Variants in TDRD12 observed in about 807,000 individuals in gnomAD.
TDRD12 encodes the protein putative ATP-dependent RNA helicase TDRD12.
TDRD12 carries 158 observed loss-of-function variants against 133.5 expected under a neutral mutation model. The ratio of observed to expected loss-of-function variants is 1.18; its 90% CI spans 1.04 to 1.35. The LOEUF is 1.35. Among genes scored for constraint, TDRD12 ranks in the 40% most tolerant of loss-of-function variants. TDRD12 has a pLI of 0.00. For synonymous variants in TDRD12, 460 were observed against 477.9 expected, an observed-to-expected ratio of 0.96 and a Z score of 0.49; for missense variants, 1,443 against 1,321.3, an observed-to-expected ratio of 1.09 and a Z score of -1.43.
At chr19:32,775,914 T>G (rs1163475659) in intron 10 of TDRD12, among the ~76,000 whole-genome samples, 2 of 152,156 alleles carry the variant, frequency 1.3e-5, no homozygotes, top group African/African-American at 4.8e-5. Context: ...CTGTTAACAT[T>G]CTCTAGAGAG....
chr19:32,730,019 T>C (rs1968997761), intron 1 of TDRD12, among the ~76,000 whole-genome samples: 1 of 151,988 alleles, frequency 6.6e-6, no homozygotes, highest in African/African-American at 2.4e-5. Flanking sequence ...CTCGATCTCC[T>C]GACCTCGTGA....
chr19:32,729,207 T>C (rs978926314), intron 1 of TDRD12, among the ~76,000 whole-genome samples: 13 of 147,706 alleles, frequency 8.8e-5, no homozygotes, highest in Admixed American at 8.2e-4. Flanking sequence ...TTTTTCTTTT[T>C]CTTTTTTTTT....
chr19:32,720,113 C>G lies in TDRD12; in HGVS notation c.24+17C>G. ...GTGCTGAAGGTGAGCGCCGCCAAGC[C>G]AGACCCACGCCAGACCCACGCAGTC... On this transcript the variant is annotated intron_variant, in intron 1 of 27. Coordinates refer to ENST00000444215, the Ensembl canonical transcript of TDRD12. 1 of 1,546,212 alleles carries G rather than the reference C, an allele frequency of 6.5e-7. No individual in the cohort carries two copies.
intron 1 of TDRD12, among the ~76,000 whole-genome samples, chr19:32,726,755 G>A (rs1209341052): frequency 6.6e-6 from 1 of 151,986 alleles, no homozygotes; most frequent in African/African-American, 2.4e-5. Flanking sequence ...ACAAATATAT[G>A]TCTTTTTTTA....
At chr19:32,801,274 A>C (rs954841502) in intron 18 of TDRD12, among the ~76,000 whole-genome samples, 4 of 152,156 alleles carry the variant, frequency 2.6e-5, no homozygotes, top group Admixed American at 2.6e-4. Context: ...TAGCCAAAAA[A>C]TCAAATAAAT....
chr19:32,738,708 G>C, intron 2 of TDRD12, 148 bp from the exon 3 acceptor site: 1 of 806,772 alleles, frequency 1.2e-6, no homozygotes, highest in Non-Finnish European at 1.9e-6. Context: ...AGCTACTTGG[G>C]AGGCTGAGGC....
chr19:32,772,889 A>G (rs370053676), intron 9 of TDRD12, 39 bp downstream of exon 9: 4 of 1,199,580 alleles, frequency 3.3e-6, no homozygotes, highest in South Asian at 3.9e-5. Flanking sequence ...CAAAGTTCAT[A>G]TAGTGTTAAT....
exon 13 of TDRD12, chr19:32,790,978 G>A (rs1266638672): frequency 6.5e-7 from 1 of 1,535,924 alleles, no homozygotes; most frequent in Admixed American, 2.0e-5. Flanking sequence ...AGAAGCTGAA[G>A]GGCCTGCAGC....
chr19:32,758,142 A>G (rs1970049663), intron 8 of TDRD12, among the ~76,000 whole-genome samples: 1 of 152,166 alleles, frequency 6.6e-6, no homozygotes, highest in South Asian at 2.1e-4. Context: ...CCTGTGTCCA[A>G]GAAGAATAAG....
intron 2 of TDRD12, among the ~76,000 whole-genome samples, chr19:32,734,690 C>T (rs951632648): frequency 1.3e-5 from 2 of 152,022 alleles, no homozygotes; most frequent in Admixed American, 6.6e-5. Context: ...CTTTTAAGTA[C>T]AAACAGACCT....
chr19:32,775,594 A>G (rs972738416), intron 10 of TDRD12, among the ~76,000 whole-genome samples: 1 of 152,048 alleles, frequency 6.6e-6, no homozygotes, highest in African/African-American at 2.4e-5. Flanking sequence ...TGGCTTACCA[A>G]AATATTAGGA....
intron 3 of TDRD12, among the ~76,000 whole-genome samples, chr19:32,740,728 G>C (rs1190279381): frequency 6.6e-6 from 1 of 152,304 alleles, no homozygotes. Context: ...TCCACAGAAG[G>C]GGGGTTGCTG....
At chr19:32,800,905 A>ACCCCACCTCCTCTTCT in intron 18 of TDRD12, 133 bp downstream of exon 18, 3 of 952,774 alleles carry the variant, frequency 3.1e-6, no homozygotes, top group Non-Finnish European at 4.4e-6. Flanking sequence ...CAATCAGAAG[A>ACCCCACCTCCTCTTCT]GGAGGTGGGG....
chr19:32,778,526 A>C (rs569892240), intron 11 of TDRD12, among the ~76,000 whole-genome samples: 1 of 152,216 alleles, frequency 6.6e-6, no homozygotes, highest in South Asian at 2.1e-4. Flanking sequence ...TGGAGACGGA[A>C]TCTTGCTCTG....
At chr19:32,803,702 G>C (rs1555776119) in intron 21 of TDRD12, among the ~76,000 whole-genome samples, 1 of 152,218 alleles carries the variant, frequency 6.6e-6, no homozygotes, top group Non-Finnish European at 1.5e-5. Flanking sequence ...GGTCTGGTCA[G>C]TACTGTCTGA....
At chr19:32,790,912 G>A in intron 12 of TDRD12, 52 bp from the exon 13 acceptor site, 1 of 1,517,042 alleles carries the variant, frequency 6.6e-7, no homozygotes, top group Non-Finnish European at 8.8e-7. Flanking sequence ...TTGATCTCCT[G>A]TGCTGACGCC....
intron 2 of TDRD12, among the ~76,000 whole-genome samples, chr19:32,732,921 C>T (rs909231884): frequency 6.6e-6 from 1 of 152,250 alleles, no homozygotes. Context: ...GCCTGTAATC[C>T]CAGCACTTTG....
At chr19:32,813,195 A>T (rs936751180) in intron 24 of TDRD12, among the ~76,000 whole-genome samples, 1 of 151,944 alleles carries the variant, frequency 6.6e-6, no homozygotes, top group Non-Finnish European at 1.5e-5. Flanking sequence ...AAGAAAGAAA[A>T]CAACAGCCAT....
downstream of TDRD12, among the ~76,000 whole-genome samples, chr19:32,822,123 AAAAAAC>A (rs200513431): frequency 4.3e-3 from 649 of 152,218 alleles, 2 homozygotes; most frequent in Non-Finnish European, 5.7e-3. Flanking sequence ...TATAAAAAAC[AAAAAAC>A]AAAAACAAAA....
Sources: gnomAD v4.1 joint callset for allele counts (sites outside exome capture counted in the v4.1 genomes callset) on GRCh38, gnomAD v4.1.1 for gene constraint, MANE v1.5 for transcripts, NCBI Gene and HGNC (gene_info 2026-07-23, HGNC 2026-07-21) for gene names.